The following AKAP19 variants were observed in gnomAD, a reference collection of about 807,000 sequenced individuals.
The protein encoded by AKAP19 is small A-kinase anchoring protein.
chr2:189,901,308 C>T, the AKAP19 span, among the ~76,000 whole-genome samples: 5 of 151,810 alleles, frequency 3.3e-5, no homozygotes, highest in Admixed American at 1.3e-4. Flanking sequence ...TTTAAAATTA[C>T]GTAAGTAGAT....
At chr2:190,073,529 C>T in the AKAP19 span, among the ~76,000 whole-genome samples, 3 of 151,718 alleles carry the variant, frequency 2.0e-5, no homozygotes, top group Non-Finnish European at 4.4e-5. Context: ...ACTCTAAAAG[C>T]CACCCTTCTA....
the AKAP19 span, among the ~76,000 whole-genome samples, chr2:190,029,627 A>C: frequency 6.6e-6 from 1 of 152,186 alleles, no homozygotes; most frequent in Non-Finnish European, 1.5e-5. Context: ...TAAACATTTT[A>C]AGTTTTGTGG....
chr2:189,961,895 G>A, the AKAP19 span, among the ~76,000 whole-genome samples: 2 of 151,076 alleles, frequency 1.3e-5, no homozygotes, highest in East Asian at 3.9e-4. Context: ...CTGGGTGACA[G>A]AGCGAGACTC....
chr2:189,887,384 G>C, the AKAP19 span, among the ~76,000 whole-genome samples: 1 of 152,142 alleles, frequency 6.6e-6, no homozygotes, highest in African/African-American at 2.4e-5. Context: ...TCATTGATGG[G>C]CATTTGGGTT....
the AKAP19 span, among the ~76,000 whole-genome samples, chr2:190,126,895 A>G: frequency 5.3e-5 from 8 of 152,142 alleles, no homozygotes; most frequent in African/African-American, 1.7e-4. Flanking sequence ...ATGTTGGGAA[A>G]GAAGATGTAC....
the AKAP19 span, among the ~76,000 whole-genome samples, chr2:190,052,751 G>A: frequency 1.3e-5 from 2 of 152,138 alleles, no homozygotes; most frequent in African/African-American, 4.8e-5. Context: ...CAAATTAAAG[G>A]ATTGAATTAG....
At chr2:190,120,218 A>C in the AKAP19 span, among the ~76,000 whole-genome samples, 1 of 152,138 alleles carries the variant, frequency 6.6e-6, no homozygotes, top group African/African-American at 2.4e-5. Flanking sequence ...TGCTTATGGG[A>C]GGGATCCAGG....
At chr2:190,017,878 G>A in the AKAP19 span, among the ~76,000 whole-genome samples, 1 of 152,110 alleles carries the variant, frequency 6.6e-6, no homozygotes, top group Non-Finnish European at 1.5e-5. Context: ...GTTTGTCTGG[G>A]AAAGTTTTTG....
At chr2:189,963,522 A>G in the AKAP19 span, among the ~76,000 whole-genome samples, 1 of 151,996 alleles carries the variant, frequency 6.6e-6, no homozygotes, top group Admixed American at 6.5e-5. Context: ...TGCTATTGCT[A>G]CTTCTCTTGC....
chr2:190,071,024 C>G, the AKAP19 span, among the ~76,000 whole-genome samples: 1 of 152,186 alleles, frequency 6.6e-6, no homozygotes, highest in Non-Finnish European at 1.5e-5. Context: ...GGAGCTGAAA[C>G]ATTACTACGG....
the AKAP19 span, among the ~76,000 whole-genome samples, chr2:190,154,101 A>T: frequency 6.6e-6 from 1 of 152,168 alleles, no homozygotes; most frequent in Admixed American, 6.5e-5. Context: ...ATCTTACAGC[A>T]TTTAACCTTG....
chr2:189,883,473 T>C, the AKAP19 span, among the ~76,000 whole-genome samples: 4 of 151,776 alleles, frequency 2.6e-5, no homozygotes, highest in Non-Finnish European at 5.9e-5. Flanking sequence ...AAGTACACAA[T>C]CGTTTCTAAC....
the AKAP19 span, among the ~76,000 whole-genome samples, chr2:190,065,765 C>A: frequency 6.6e-6 from 1 of 152,136 alleles, no homozygotes; most frequent in Non-Finnish European, 1.5e-5. Context: ...TAGAACATAA[C>A]TACTATGAAT....
chr2:189,898,375 G>A, the AKAP19 span, among the ~76,000 whole-genome samples: 1 of 152,084 alleles, frequency 6.6e-6, no homozygotes, highest in African/African-American at 2.4e-5. Flanking sequence ...ACAGCTTATT[G>A]GTGATTTGAA....
At chr2:190,152,872 G>A in the AKAP19 span, among the ~76,000 whole-genome samples, 13 of 149,990 alleles carry the variant, frequency 8.7e-5, 2 homozygotes, top group Admixed American at 7.3e-4. Context: ...TGTTATTATC[G>A]ATGTGGGATT....
chr2:190,028,372 G>A, the AKAP19 span, among the ~76,000 whole-genome samples: 1 of 152,112 alleles, frequency 6.6e-6, no homozygotes, highest in Non-Finnish European at 1.5e-5. Flanking sequence ...TTAAGGTACA[G>A]GCTCTAAAGA....
chr2:189,889,770 T>C, the AKAP19 span, among the ~76,000 whole-genome samples: 1 of 152,218 alleles, frequency 6.6e-6, no homozygotes, highest in Non-Finnish European at 1.5e-5. Flanking sequence ...GGATCAGTGG[T>C]GAAATTCCCT....
chr2:190,074,043 G>GA, the AKAP19 span, among the ~76,000 whole-genome samples: 8,349 of 117,872 alleles, frequency 0.071, 472 homozygotes, highest in African/African-American at 0.15. Context: ...TTCCGTCTCA[G>GA]AAAAAAAAAA....
chr2:190,124,505 C>T, the AKAP19 span, among the ~76,000 whole-genome samples: 1,113 of 151,858 alleles, frequency 7.3e-3, 20 homozygotes, highest in African/African-American at 0.025. Flanking sequence ...ATGGCAGGAG[C>T]GCAAGGCCAG....
Sources: gnomAD v4.1 joint callset for allele counts (sites outside exome capture counted in the v4.1 genomes callset) on GRCh38, gnomAD v4.1.1 for gene constraint, MANE v1.5 for transcripts, NCBI Gene and HGNC (gene_info 2026-07-23, HGNC 2026-07-21) for gene names.